Variants in SMIM13 observed in about 807,000 individuals in gnomAD.
The protein encoded by SMIM13 is UPF0766 protein C6orf228.
In SMIM13, 3 loss-of-function variants were observed where a neutral mutation model predicts 5.9. The observed-to-expected ratio is 0.51, with a 90% confidence interval of 0.23 to 1.31. The LOEUF (loss-of-function observed/expected upper bound fraction) is 1.31, where lower values mean the gene tolerates loss of function less well. SMIM13 is among the 40% of genes most tolerant of loss of function. The pLI is 0.18. For missense variants in SMIM13, 85 were observed against 109.9 expected (o/e 0.77, Z 1.01); for synonymous variants, 55 against 46.0 (o/e 1.19, Z -0.79).
In SMIM13 at chr6:11,134,965, T is replaced by C. The variant is rs1758500387; in HGVS notation, c.*363T>C. ...CATTTTAACTTATCTGAAATTGGGA[T>C]GCATCTCATTACTGTCAACCAGGTG... is the stretch of plus-strand genomic sequence containing the variant. On this transcript the variant is annotated 3_prime_UTR_variant, in exon 2 of 2. Coordinates refer to ENST00000416247, the MANE Select transcript of SMIM13 (RefSeq NM_001135575.2). The C allele has an allele frequency of 6.3e-6, 1 of 159,324 alleles. No individual in the cohort carries two copies. Among genetic ancestry groups the C allele is most frequent in the Non-Finnish European group, 1.4e-5 (1 of 72,756 alleles). The allele number at this position is 159,324 out of a possible 1,614,324, so 9.9% of individuals were successfully genotyped here.
chr6:11,106,523 C>T (rs1355948096), intron 1 of SMIM13, among the ~76,000 whole-genome samples: 4 of 152,182 alleles, frequency 2.6e-5, no homozygotes, highest in Non-Finnish European at 4.4e-5. Flanking sequence ...GTCCTGTAAA[C>T]TCTTGATGGT....
intron 1 of SMIM13, among the ~76,000 whole-genome samples, chr6:11,109,939 G>T (rs1470591791): frequency 1.3e-5 from 2 of 152,084 alleles, no homozygotes; most frequent in Non-Finnish European, 1.5e-5. Context: ...AGTGGGTAGG[G>T]CATTACCCCA....
rs1284576854 is a variant in SMIM13 at position 11,138,211 on chromosome 6, A to G, written c.*3609A>G. The stretch of plus-strand genomic sequence containing the variant: ...TTTAAAAAGCCATTGAGCAGTCCTC[A>G]GAGGTTATGGACTCTCAAGCGACTA... On this transcript the variant is annotated 3_prime_UTR_variant, in exon 2 of 2. Coordinates refer to ENST00000416247, the MANE Select transcript of SMIM13 (RefSeq NM_001135575.2). 2 of 152,216 alleles carry G rather than the reference A, an allele frequency of 1.3e-5. No homozygotes were observed. Among genetic ancestry groups the G allele is most frequent in the Non-Finnish European group, 2.9e-5 (2 of 68,026 alleles). The allele number at this position is 152,216 out of a possible 1,614,324, so 9.4% of individuals were successfully genotyped here.
At chr6:11,098,772 T>C (rs892957447) in intron 1 of SMIM13, among the ~76,000 whole-genome samples, 3 of 152,218 alleles carry the variant, frequency 2.0e-5, no homozygotes, top group African/African-American at 7.2e-5. Flanking sequence ...TGTATTTCCA[T>C]GATGTTCTTC....
intron 1 of SMIM13, among the ~76,000 whole-genome samples, chr6:11,116,994 T>TG (rs1185862610): frequency 4.1e-5 from 5 of 121,804 alleles, no homozygotes; most frequent in African/African-American, 1.6e-4. Flanking sequence ...TTTTTTTTTT[T>TG]TTTTTTTTTT....
intron 1 of SMIM13, among the ~76,000 whole-genome samples, chr6:11,126,684 G>T (rs1304814792): frequency 1.4e-5 from 2 of 147,526 alleles, no homozygotes; most frequent in Admixed American, 6.7e-5. Flanking sequence ...GATACTTCTG[G>T]ATGTTTATTG....
Position 11,134,519 on chromosome 6 carries a change from G to A in SMIM13, c.193G>A (p.Asp65Asn), listed in dbSNP as rs1197864851. The A allele has an allele frequency of 1.3e-6, 2 of 1,551,018 alleles. No individual in the cohort carries two copies. The highest frequency in any genetic ancestry group is 1.4e-5 in the African/African-American group (1 of 73,006). Residue 65 changes from aspartate (D) to asparagine (N), a missense_variant, in exon 2 of 2, where the codon GAC becomes AAC. Coordinates refer to ENST00000416247, the MANE Select transcript of SMIM13 (RefSeq NM_001135575.2). ...HEPSGSETEEDTSSSPHRIRS... is the reference protein window; with the variant it reads ...HEPSGSETEENTSSSPHRIRS... Reference sequence around the variant, plus strand: ...GCCTTCAGGGTCTGAAACTGAAGAAGACACTTCCTCCTCTCCACACAGAAT... The same window carrying A: ...GCCTTCAGGGTCTGAAACTGAAGAAAACACTTCCTCCTCTCCACACAGAAT...
chr6:11,112,616 T>C (rs1561755395), intron 1 of SMIM13, among the ~76,000 whole-genome samples: 2 of 152,170 alleles, frequency 1.3e-5, no homozygotes, highest in Non-Finnish European at 2.9e-5. Context: ...CAACATGCTT[T>C]TTGTGTTTGA....
At chr6:11,100,871 C>A (rs1757981541) in intron 1 of SMIM13, among the ~76,000 whole-genome samples, 1 of 151,948 alleles carries the variant, frequency 6.6e-6, no homozygotes, top group African/African-American at 2.4e-5. Flanking sequence ...TTTCAAGATG[C>A]TTTTTGGATA....
Position 11,111,887 on chromosome 6 carries a change from A to G in SMIM13, c.76+17498A>G, listed in dbSNP as rs530783890. ...GCATTTGTTTACTGAAGTTGTGCGC[A>G]TGCTTTCTTGAGACATTTTTCCCTT... On this transcript the variant is annotated intron_variant, in intron 1 of 1. Transcript: ENST00000416247. Among the ~76,000 whole-genome samples the G allele has an allele frequency of 7.9e-5, 12 of 152,234 alleles. No homozygotes were observed. The South Asian group carries it at 1.5e-3, about 18-fold the overall frequency.
intron 1 of SMIM13, among the ~76,000 whole-genome samples, chr6:11,131,900 A>T (rs1758454989): frequency 6.6e-6 from 1 of 152,190 alleles, no homozygotes; most frequent in Admixed American, 6.6e-5. Flanking sequence ...GTACAAGCAA[A>T]CAAAGGAAAA....
At chr6:11,119,010 A>G (rs1398747547) in intron 1 of SMIM13, among the ~76,000 whole-genome samples, 1 of 152,198 alleles carries the variant, frequency 6.6e-6, no homozygotes, top group Admixed American at 6.5e-5. Context: ...AATTATGGGG[A>G]CAATCCAGTT....
At position 11,137,665 on chromosome 6, in the gene SMIM13, T is replaced by A. The variant is rs1183642911; in HGVS notation, c.*3063T>A. The stretch of plus-strand genomic sequence containing the variant: ...TTCCCAACCAGCCATTCATTTCCAA[T>A]TGTTCTGCCTTTGAAACTTTTTGTG... On this transcript the variant is annotated 3_prime_UTR_variant, in exon 2 of 2. Coordinates refer to ENST00000416247, the MANE Select transcript of SMIM13 (RefSeq NM_001135575.2). 6.6e-6 allele frequency: 1 copy of A among 152,204 alleles called. No individual in the cohort carries two copies. The highest frequency in any genetic ancestry group is 1.5e-5 in the Non-Finnish European group (1 of 68,014). The allele number at this position is 152,204 out of a possible 1,614,324, so 9.4% of individuals were successfully genotyped here.
chr6:11,103,268 C>CCA (rs376334566), intron 1 of SMIM13: 42 of 167,168 alleles, frequency 2.5e-4, no homozygotes, highest in African/African-American at 8.8e-4. Context: ...TGGCTGATCA[C>CCA]CAGCTTCAGG....
intron 1 of SMIM13, among the ~76,000 whole-genome samples, chr6:11,114,592 CT>C (rs58585640): frequency 0.17 from 3,692 of 21,776 alleles, 8 homozygotes; most frequent in East Asian, 0.27. Context: ...CACTTTTTCT[CT>C]TTTTTTTTTT....
At chr6:11,103,409 C>A in intron 1 of SMIM13, 1 of 379,614 alleles carries the variant, frequency 2.6e-6, no homozygotes, top group Admixed American at 4.1e-5. Flanking sequence ...AGGGGGCCCT[C>A]CCCTGCCCTG....
rs144337960 is a variant in SMIM13 at position 11,132,176 on chromosome 6, T to G, written c.77-2227T>G. ...GCTAATAAGAACATGAAAAGATGTT[T>G]AACATCATTAGTCATGAGGGAAATG... On this transcript the variant is annotated intron_variant, in intron 1 of 1. Coordinates refer to ENST00000416247, the MANE Select transcript of SMIM13 (RefSeq NM_001135575.2). 5.9e-3 allele frequency among the ~76,000 whole-genome samples: 895 copies of G among 152,300 alleles called. 3 individuals are homozygous for G. Among genetic ancestry groups the G allele is most frequent in the South Asian group, 0.024 (116 of 4,830 alleles).
Position 11,115,428 on chromosome 6 carries a change from G to A in SMIM13, c.77-18975G>A, listed in dbSNP as rs1242181310. On this transcript the variant is annotated intron_variant, in intron 1 of 1. Transcript: ENST00000416247. Reference sequence around the variant, plus strand: ...GCAGGATTCAGTTCCTTGTGACTGAGGACTCAAGGTGGCTCACCTCTTCAT... The same window carrying A: ...GCAGGATTCAGTTCCTTGTGACTGAAGACTCAAGGTGGCTCACCTCTTCAT... Among the ~76,000 whole-genome samples the A allele has an allele frequency of 2.0e-5, 3 of 152,232 alleles. No individual in the cohort carries two copies. The South Asian group carries it at 6.2e-4, about 32-fold the overall frequency.
At position 11,123,825 on chromosome 6, in the gene SMIM13, ATCT is replaced by A. The variant is rs1232266359; in HGVS notation, c.77-10574_77-10572del. ...TTTCTTTGTGTTGGAAACATTTCAAATCTTCTAGCTATTTTGAAATATACAATA... is the reference window on the plus strand; with the variant it reads ...TTTCTTTGTGTTGGAAACATTTCAAATCTAGCTATTTTGAAATATACAATA... On this transcript the variant is annotated intron_variant, in intron 1 of 1. Transcript: ENST00000416247. Among the ~76,000 whole-genome samples, 7 of 152,306 alleles carry A rather than the reference ATCT, an allele frequency of 4.6e-5. No individual in the cohort carries two copies. The East Asian group carries it at 5.8e-4, about 13-fold the overall frequency.
Sources: allele counts gnomAD v4.1 joint callset (sites outside exome capture counted in the v4.1 genomes callset), GRCh38; gene constraint gnomAD v4.1.1; transcripts MANE v1.5; gene names NCBI Gene and HGNC (gene_info 2026-07-23, HGNC 2026-07-21).